Variants in MKLN1 observed in about 807,000 individuals in gnomAD.
The protein encoded by MKLN1 is muskelin 1.
MKLN1 carries 18 observed loss-of-function variants against 99.0 expected under a neutral mutation model. The ratio of observed to expected loss-of-function variants is 0.18; its 90% CI spans 0.13 to 0.27. The LOEUF (loss-of-function observed/expected upper bound fraction) is 0.27. MKLN1 is among the 10% of genes least tolerant of loss of function. MKLN1 has a pLI of 1.00. For missense variants in MKLN1, 621 were observed against 875.9 expected (o/e 0.71, Z 3.67); for synonymous variants, 288 against 293.2 (o/e 0.98, Z 0.18).
chr7:131,295,403 A>G (rs1392298135), intron 3 of MKLN1, among the ~76,000 whole-genome samples: 1 of 152,248 alleles, frequency 6.6e-6, no homozygotes, highest in Non-Finnish European at 1.5e-5. Flanking sequence ...TTATATGGTA[A>G]GAATAAAAAT....
Position 131,173,979 on chromosome 7 carries a change from T to C in MKLN1, c.-296-28878T>C, listed in dbSNP as rs182323103. Among the ~76,000 whole-genome samples, 386 of 146,320 alleles carry C rather than the reference T, an allele frequency of 2.6e-3. 1 individual carries two copies. The highest frequency in any genetic ancestry group is 9.1e-3 in the African/African-American group (362 of 39,960). On this transcript the variant is annotated intron_variant, in intron 2 of 7. Transcript: ENST00000416992. ...TTAAAGACCTTTTTCTTTTTCTTTT[T>C]TTTTTTTTTTTGAGACGGGAGTCTC...
chr7:131,319,118 C>G (rs1435997536), intron 3 of MKLN1, among the ~76,000 whole-genome samples: 1 of 152,130 alleles, frequency 6.6e-6, no homozygotes, highest in African/African-American at 2.4e-5. Flanking sequence ...CTCCTGATAC[C>G]AAAACCTGGC....
chr7:131,423,627 C>T (rs969883715), intron 8 of MKLN1, among the ~76,000 whole-genome samples: 5 of 152,152 alleles, frequency 3.3e-5, no homozygotes, highest in African/African-American at 7.2e-5. Context: ...CCACCACATC[C>T]GGCCTGAAAG....
At chr7:131,127,487 C>T (rs181386561) in intron 1 of MKLN1, among the ~76,000 whole-genome samples, 4 of 152,260 alleles carry the variant, frequency 2.6e-5, no homozygotes, top group Admixed American at 6.5e-5. Flanking sequence ...AGCCCATTGC[C>T]GGCCCACAGA....
intron 2 of MKLN1, among the ~76,000 whole-genome samples, chr7:131,146,516 C>A (rs1383303587): frequency 1.3e-5 from 2 of 152,202 alleles, no homozygotes; most frequent in Non-Finnish European, 2.9e-5. Flanking sequence ...TATGCAGGAA[C>A]TGTATTAGTC....
intron 3 of MKLN1, among the ~76,000 whole-genome samples, chr7:131,264,746 T>A (rs1476245308): frequency 6.6e-6 from 1 of 152,202 alleles, no homozygotes; most frequent in Non-Finnish European, 1.5e-5. Flanking sequence ...TTTTCTGCCT[T>A]AGCAGGACAG....
chr7:131,123,020 C>A (rs1795398556), intron 1 of MKLN1, among the ~76,000 whole-genome samples: 2 of 12,418 alleles, frequency 1.6e-4, no homozygotes, highest in South Asian at 4.8e-3. Flanking sequence ...GAGACTCCGT[C>A]TCAAAAAAAA....
chr7:131,337,190 C>A (rs1269708953), intron 1 of MKLN1, among the ~76,000 whole-genome samples: 1 of 152,020 alleles, frequency 6.6e-6, no homozygotes, highest in Non-Finnish European at 1.5e-5. Flanking sequence ...CAGTGATGCA[C>A]CTAAGAATGG....
chr7:131,478,993 T>C (rs965279961), intron 17 of MKLN1: 45 of 317,768 alleles, frequency 1.4e-4, no homozygotes, highest in African/African-American at 8.5e-4. Context: ...TGATACACAC[T>C]ATGAGATAAT....
chr7:131,403,043 T>A (rs1339983766), intron 6 of MKLN1, among the ~76,000 whole-genome samples: 2 of 152,188 alleles, frequency 1.3e-5, no homozygotes, highest in Admixed American at 6.5e-5. Context: ...GACTTCACTC[T>A]AGCTATGAAA....
Position 131,375,367 on chromosome 7 carries a change from A to G in MKLN1, c.99-57A>G, listed in dbSNP as rs1793609323. 3 of 1,047,678 alleles carry G rather than the reference A, an allele frequency of 2.9e-6. No homozygotes were observed. In the South Asian group the frequency reaches 3.8e-5, roughly 13 times the overall value. 64.9% of individuals were successfully genotyped at this position (1,047,678 alleles called of 1,614,324 possible). ...TGATAATTTCAGCATCTGGTAGATT[A>G]TTCCTGTTTTTGCCTATTCATGTTC... On this transcript the variant is annotated intron_variant, in intron 1 of 17. Coordinates refer to ENST00000352689, the MANE Select transcript of MKLN1 (RefSeq NM_013255.5).
intron 2 of MKLN1, among the ~76,000 whole-genome samples, chr7:131,179,360 G>C: frequency 6.6e-6 from 1 of 152,092 alleles, no homozygotes; most frequent in African/African-American, 2.4e-5. Flanking sequence ...ACCTATTGAA[G>C]GAAGAAGGTC....
At chr7:131,405,926 G>T (rs1306303926) in intron 6 of MKLN1, among the ~76,000 whole-genome samples, 2 of 151,992 alleles carry the variant, frequency 1.3e-5, no homozygotes, top group South Asian at 2.1e-4. Context: ...TATTTGTTCA[G>T]TTGGTCAGAG....
intron 8 of MKLN1, among the ~76,000 whole-genome samples, chr7:131,417,542 C>G (rs1795055074): frequency 6.6e-6 from 1 of 152,196 alleles, no homozygotes; most frequent in East Asian, 1.9e-4. Flanking sequence ...ACAGTACTAA[C>G]TATACGTGGA....
In MKLN1 at chr7:131,204,083, T is replaced by C. The variant is rs576500678; in HGVS notation, c.-179+1109T>C. Among the ~76,000 whole-genome samples, 14 of 152,320 alleles carry C rather than the reference T, an allele frequency of 9.2e-5. No homozygotes were observed. The South Asian group carries it at 2.9e-3, about 32-fold the overall frequency. ...CTGTATATAAAGTCTACTTCCTAAATTGGAATGTTCTCACTCTGTATACAA... is the reference window on the plus strand; with the variant it reads ...CTGTATATAAAGTCTACTTCCTAAACTGGAATGTTCTCACTCTGTATACAA... On this transcript the variant is annotated intron_variant, in intron 3 of 7. Coordinates refer to the MKLN1 transcript ENST00000416992.
chr7:131,328,495 A>C (rs755052587), intron 1 of MKLN1, among the ~76,000 whole-genome samples: 3 of 152,138 alleles, frequency 2.0e-5, no homozygotes, highest in Non-Finnish European at 4.4e-5. Context: ...GATTAGCTCT[A>C]GAGTAGTGTT....
chr7:131,113,854 C>T (rs1429179754), intron 1 of MKLN1, among the ~76,000 whole-genome samples: 2 of 151,956 alleles, frequency 1.3e-5, no homozygotes, highest in Admixed American at 6.6e-5. Flanking sequence ...CTTCACAAGG[C>T]AGCAGGAGAG....
intron 2 of MKLN1, among the ~76,000 whole-genome samples, chr7:131,176,264 A>C (rs1044181584): frequency 1.3e-5 from 2 of 152,206 alleles, no homozygotes; most frequent in African/African-American, 4.8e-5. Flanking sequence ...ATTTATGGAA[A>C]TCTATCTTTC....
At chr7:131,303,294 G>A (rs1205380650) in intron 3 of MKLN1, among the ~76,000 whole-genome samples, 1 of 152,196 alleles carries the variant, frequency 6.6e-6, no homozygotes, top group Non-Finnish European at 1.5e-5. Flanking sequence ...TGCAGCTGCT[G>A]TTGCTGCCAC....
Sources: gnomAD v4.1 joint callset for allele counts (sites outside exome capture counted in the v4.1 genomes callset) on GRCh38, gnomAD v4.1.1 for gene constraint, MANE v1.5 for transcripts, NCBI Gene and HGNC (gene_info 2026-07-23, HGNC 2026-07-21) for gene names.